Variants in RAB2A observed in about 807,000 individuals in gnomAD.
The protein encoded by RAB2A is RAB2A, member RAS oncogene family, also known as ras-related protein Rab-2A.
A neutral mutation model predicts 32.5 loss-of-function variants in RAB2A; 7 were observed. That is an observed-to-expected ratio of 0.22 (90% CI 0.12 to 0.40). The LOEUF is 0.40. RAB2A is among the 10% of genes least tolerant of loss of function. The pLI is 1.00. For synonymous variants in RAB2A, 79 were observed against 85.2 expected, an observed-to-expected ratio of 0.93 and a Z score of 0.40; for missense variants, 108 against 260.7, an observed-to-expected ratio of 0.41 and a Z score of 4.03.
chr8:60,521,123 A>G (rs1807295656), intron 1 of RAB2A, among the ~76,000 whole-genome samples: 3 of 152,230 alleles, frequency 2.0e-5, no homozygotes, highest in Admixed American at 2.0e-4. Context: ...CCCCACTTGC[A>G]TTTTAAATTA....
At chr8:60,610,901 G>A (rs148991805) in intron 6 of RAB2A, among the ~76,000 whole-genome samples, 2 of 152,252 alleles carry the variant, frequency 1.3e-5, no homozygotes, top group East Asian at 3.9e-4. Context: ...CCACTTGTAC[G>A]ATGTATTAGA....
At chr8:60,606,642 A>G (rs1804236062) in intron 6 of RAB2A, among the ~76,000 whole-genome samples, 1 of 152,254 alleles carries the variant, frequency 6.6e-6, no homozygotes, top group Non-Finnish European at 1.5e-5. Context: ...ATCATATACT[A>G]CATTAATAAC....
intron 2 of RAB2A, among the ~76,000 whole-genome samples, chr8:60,568,978 C>G (rs1371354117): frequency 6.6e-6 from 1 of 152,052 alleles, no homozygotes; most frequent in Non-Finnish European, 1.5e-5. Flanking sequence ...GAGAAGAAAT[C>G]AAGTTTTTGG....
intron 1 of RAB2A, among the ~76,000 whole-genome samples, chr8:60,522,165 C>T (rs2130804296): frequency 6.6e-6 from 1 of 152,220 alleles, no homozygotes; most frequent in South Asian, 2.1e-4. Flanking sequence ...GAGACCTGGG[C>T]AGTACAGTGT....
intron 6 of RAB2A, among the ~76,000 whole-genome samples, chr8:60,610,758 A>G (rs529499973): frequency 6.6e-6 from 1 of 152,342 alleles, no homozygotes. Context: ...CTTCTAAACC[A>G]GGGTGGCTAA....
intron 6 of RAB2A, among the ~76,000 whole-genome samples, chr8:60,608,520 T>TCTTCCTCTC (rs1804277593): frequency 3.7e-5 from 5 of 136,496 alleles, no homozygotes; most frequent in African/African-American, 1.6e-4. Flanking sequence ...TTCCTCTCCT[T>TCTTCCTCTC]CTTCCTCTCC....
In RAB2A at chr8:60,591,804, CT is replaced by C. The variant is rs1586102327; in HGVS notation, c.363-52del. The C allele has an allele frequency of 1.5e-5, 17 of 1,152,378 alleles. No homozygotes were observed. In the East Asian group the frequency reaches 3.8e-4, roughly 26 times the overall value. 71.4% of individuals were successfully genotyped at this position (1,152,378 alleles called of 1,614,324 possible). A position where few individuals can be genotyped will look rare whatever the true frequency, so the allele number is the denominator to read the frequency against. ...TTCCATGGTACACTTTCCACAAATG[CT>C]TCTGTTTGTACCATGTTGATTAGTA... On this transcript the variant is annotated intron_variant, in intron 5 of 7. Coordinates refer to ENST00000262646, the MANE Select transcript of RAB2A (RefSeq NM_002865.3).
intron 6 of RAB2A, among the ~76,000 whole-genome samples, chr8:60,604,030 T>G (rs1261832516): frequency 6.6e-6 from 1 of 152,190 alleles, no homozygotes; most frequent in Non-Finnish European, 1.5e-5. Flanking sequence ...GGGAGGTGAT[T>G]AGATCACGGG....
In RAB2A at chr8:60,584,936, G is replaced by A. The variant is rs145636906; in HGVS notation, c.362+121G>A. 1,133 of 639,108 alleles carry A rather than the reference G, an allele frequency of 1.8e-3. 3 individuals are homozygous for A. The highest frequency in any genetic ancestry group is 1.8e-3 in the Non-Finnish European group (734 of 412,050). The allele number at this position is 639,108 out of a possible 1,614,324, so 39.6% of individuals were successfully genotyped here. ...CCAGCCTCTTAAATTATAAAATTTC[G>A]GAAATTCTAAGGTGTTTCTTTTGAT... On this transcript the variant is annotated intron_variant, in intron 5 of 7. Transcript: ENST00000262646.
At chr8:60,609,960 C>T (rs1390067184) in intron 6 of RAB2A, among the ~76,000 whole-genome samples, 1 of 80,610 alleles carries the variant, frequency 1.2e-5, no homozygotes, top group East Asian at 3.4e-4. Context: ...CCCTGTGTCT[C>T]AAAAAAAAAA....
intron 3 of RAB2A, among the ~76,000 whole-genome samples, chr8:60,579,606 A>G (rs1803704814): frequency 6.6e-6 from 1 of 151,626 alleles, no homozygotes; most frequent in Non-Finnish European, 1.5e-5. Context: ...AGAGGATCAA[A>G]CACAACATTT....
Position 60,595,123 on chromosome 8 carries a change from T to C in RAB2A, c.474+3154T>C, listed in dbSNP as rs146350876. Among the ~76,000 whole-genome samples the C allele has an allele frequency of 5.4e-3, 822 of 152,220 alleles. 7 individuals carry two copies. The highest frequency in any genetic ancestry group is 0.019 in the African/African-American group (777 of 41,534). On this transcript the variant is annotated intron_variant, in intron 6 of 7. Transcript: ENST00000262646. ...AGAATGGCTAAAGGAAGTTTTCTAA[T>C]AGAAGTGAAATGATTGAAGAAAGAA... is the stretch of plus-strand genomic sequence containing the variant.
chr8:60,536,770 C>G (rs1292275282), intron 1 of RAB2A, among the ~76,000 whole-genome samples: 2 of 152,142 alleles, frequency 1.3e-5, no homozygotes, highest in Admixed American at 6.5e-5. Context: ...TTTTGGTTAG[C>G]AAATGTATTG....
At position 60,618,629 on chromosome 8, in the gene RAB2A, T is replaced by C. The variant is rs762848383; in HGVS notation, c.524T>C (p.Val175Ala). 4.2e-6 allele frequency: 5 copies of C among 1,183,662 alleles called. No individual in the cohort carries two copies. Among genetic ancestry groups the C allele is most frequent in the Non-Finnish European group, 2.3e-6 (2 of 882,098 alleles). 73.3% of individuals were successfully genotyped at this position (1,183,662 alleles called of 1,614,324 possible). ...ATTTATGAAAAAATTCAAGAAGGAG[T>C]CTTTGACATTAATAATGAGGTATAT... ...KEIYEKIQEG[V>A]FDINNEANGI... The change falls in exon 7 of 8, where the codon GTC becomes GCC. Residue 175 changes from valine (V) to alanine (A), a missense_variant. Val to Ala is a moderately conservative substitution (Grantham distance 64, BLOSUM62 0). Around this residue, in one of 4 missense-constraint regions of RAB2A, gnomAD observed 79 missense variants for 199.8 expected, o/e 0.40. Transcript: ENST00000262646.
intron 5 of RAB2A, among the ~76,000 whole-genome samples, chr8:60,589,327 A>T (rs1331849936): frequency 6.6e-6 from 1 of 152,224 alleles, no homozygotes; most frequent in Non-Finnish European, 1.5e-5. Context: ...GACCTTTAAA[A>T]TCAGGAGTAT....
chr8:60,584,497 C>T (rs1216232254), intron 4 of RAB2A, among the ~76,000 whole-genome samples: 1 of 152,122 alleles, frequency 6.6e-6, no homozygotes, highest in Non-Finnish European at 1.5e-5. Flanking sequence ...AAATTGAAAT[C>T]GGCCATATTA....
At chr8:60,530,145 T>C (rs1403245730) in intron 1 of RAB2A, among the ~76,000 whole-genome samples, 3 of 103,194 alleles carry the variant, frequency 2.9e-5, no homozygotes, top group African/African-American at 2.0e-4. Context: ...TTTTTTTTTC[T>C]TTTTTTTTTT....
chr8:60,560,768 C>CA, intron 2 of RAB2A, among the ~76,000 whole-genome samples: 1 of 148,210 alleles, frequency 6.7e-6, no homozygotes, highest in East Asian at 2.0e-4. Flanking sequence ...TTTAGCTCAT[C>CA]ACCTGTCAGT....
intron 6 of RAB2A, among the ~76,000 whole-genome samples, chr8:60,594,067 A>C (rs1803984030): frequency 6.6e-6 from 1 of 152,204 alleles, no homozygotes; most frequent in Admixed American, 6.5e-5. Context: ...AATAGTAACT[A>C]CTTAGTCTAA....
Sources: gnomAD v4.1 joint callset for allele counts (sites outside exome capture counted in the v4.1 genomes callset) on GRCh38, gnomAD v4.1.1 for gene constraint, gnomAD v4.1.1 regional missense constraint, MANE v1.5 for transcripts, NCBI Gene and HGNC (gene_info 2026-07-23, HGNC 2026-07-21) for gene names.